IFT43: variants seen among roughly 807,000 people sequenced by gnomAD.
The protein encoded by IFT43 is intraflagellar transport protein 43 homolog.
Under a neutral mutation model 32.3 loss-of-function variants are expected in IFT43, and 33 were observed. That is an observed-to-expected ratio of 1.02 (90% confidence interval 0.77 to 1.37). The LOEUF (loss-of-function observed/expected upper bound fraction) is 1.37. Ranked by LOEUF, IFT43 falls within the 40% of genes most tolerant of loss-of-function variation. The pLI is 0.00. For missense variants in IFT43, 274 were observed against 265.9 expected (o/e 1.03, Z -0.21); for synonymous variants, 93 against 98.2 (o/e 0.95, Z 0.31).
rs554837762 is a variant in IFT43 at position 75,986,644 on chromosome 14, C to T, written c.54+804C>T. Among the ~76,000 whole-genome samples, 36 of 152,194 alleles carry T rather than the reference C, an allele frequency of 2.4e-4. No individual in the cohort carries two copies. In the South Asian group the frequency reaches 7.1e-3, roughly 30 times the overall value. On this transcript the variant is annotated intron_variant, in intron 1 of 8. Coordinates refer to ENST00000314067, the MANE Select transcript of IFT43 (RefSeq NM_001102564.3). The stretch of plus-strand genomic sequence containing the variant: ...GCCTATGAGGCTGTGGTTTACCCAG[C>T]GTTATAGTTAGTAAATAATGGAGCT...
chr14:76,050,703 C>T (rs10145205), intron 3 of IFT43, among the ~76,000 whole-genome samples: 6,187 of 152,106 alleles, frequency 0.041, 416 homozygotes, highest in African/African-American at 0.14. Flanking sequence ...TTTTCTCCTA[C>T]CAGATTGTAA....
At chr14:76,020,011 T>C (rs896283052) in intron 2 of IFT43, among the ~76,000 whole-genome samples, 1 of 152,122 alleles carries the variant, frequency 6.6e-6, no homozygotes. Context: ...AATCTCTCCC[T>C]GTTGCCAGGC....
intron 5 of IFT43, among the ~76,000 whole-genome samples, chr14:76,062,855 T>G (rs1359894599): frequency 7.3e-6 from 1 of 137,012 alleles, no homozygotes; most frequent in Non-Finnish European, 1.5e-5. Context: ...AGGCAGAGGT[T>G]GCAGTGAGGC....
intron 5 of IFT43, among the ~76,000 whole-genome samples, chr14:76,065,862 C>T (rs2037217124): frequency 6.6e-6 from 1 of 152,222 alleles, no homozygotes; most frequent in Admixed American, 6.5e-5. Flanking sequence ...TCAACCAGTC[C>T]TTCCACCTCG....
At chr14:76,038,451 TC>T (rs2036644972) in intron 3 of IFT43, among the ~76,000 whole-genome samples, 1 of 152,214 alleles carries the variant, frequency 6.6e-6, no homozygotes, top group Admixed American at 6.5e-5. Context: ...TGACATCATA[TC>T]TTTTTAATGT....
chr14:76,022,879 A>G (rs2036320330), intron 3 of IFT43, among the ~76,000 whole-genome samples: 1 of 152,210 alleles, frequency 6.6e-6, no homozygotes. Flanking sequence ...ACTGCTGATG[A>G]ACTGTGCGGC....
At chr14:76,008,780 A>C (rs1488613328) in intron 2 of IFT43, among the ~76,000 whole-genome samples, 1 of 152,228 alleles carries the variant, frequency 6.6e-6, no homozygotes, top group African/African-American at 2.4e-5. Flanking sequence ...CCAAGTGCAA[A>C]GATTTATACT....
At chr14:76,037,208 C>A (rs770002276) in intron 3 of IFT43, among the ~76,000 whole-genome samples, 1 of 152,044 alleles carries the variant, frequency 6.6e-6, no homozygotes, top group Admixed American at 6.5e-5. Context: ...CCATTTAGGC[C>A]CAGTTTTGGC....
Position 75,999,227 on chromosome 14 carries a change from T to TTA in IFT43, c.147+10294_147+10295dup, listed in dbSNP as rs1162371057. On this transcript the variant is annotated intron_variant, in intron 2 of 8. Transcript: ENST00000314067. ...ATATTCATTTATATATAAATTCATTTTATATATATATATATATATATATAT... is the reference window on the plus strand; with the variant it reads ...ATATTCATTTATATATAAATTCATTTTATATATATATATATATATATATATAT... Among the ~76,000 whole-genome samples, 218 of 96,006 alleles carry TTA rather than the reference T, an allele frequency of 2.3e-3. 2 individuals carry two copies. The highest frequency in any genetic ancestry group is 6.0e-3 in the East Asian group (21 of 3,490). The allele number at this position is 96,006 out of a possible 152,430, so 63.0% of individuals were successfully genotyped here. A position where few individuals can be genotyped will look rare whatever the true frequency, so the allele number is the denominator to read the frequency against.
intron 3 of IFT43, among the ~76,000 whole-genome samples, chr14:76,032,968 A>AT (rs1028462564): frequency 1.6e-4 from 25 of 152,314 alleles, no homozygotes; most frequent in African/African-American, 5.3e-4. Context: ...GAGGGACCTG[A>AT]TTTAGGAGCT....
At chr14:76,033,060 C>T (rs918165021) in intron 3 of IFT43, among the ~76,000 whole-genome samples, 2 of 152,092 alleles carry the variant, frequency 1.3e-5, no homozygotes, top group African/African-American at 4.8e-5. Context: ...GAGTCATCTA[C>T]AAAAGTAGGA....
At chr14:76,002,374 G>A (rs930743464) in intron 2 of IFT43, among the ~76,000 whole-genome samples, 1 of 152,108 alleles carries the variant, frequency 6.6e-6, no homozygotes, top group Non-Finnish European at 1.5e-5. Context: ...TAAGGGGGGG[G>A]GTGGCATGAT....
intron 5 of IFT43, among the ~76,000 whole-genome samples, chr14:76,079,636 T>C (rs535051374): frequency 8.5e-5 from 13 of 152,354 alleles, no homozygotes; most frequent in Admixed American, 4.6e-4. Flanking sequence ...TTTAGCAACA[T>C]TGAAGAAAAG....
chr14:76,066,933 G>T (rs929024765), intron 5 of IFT43, among the ~76,000 whole-genome samples: 1 of 152,224 alleles, frequency 6.6e-6, no homozygotes, highest in African/African-American at 2.4e-5. Flanking sequence ...AGGAAAGCCA[G>T]CAACTTTTCA....
In IFT43 at chr14:76,040,680, G is replaced by C. The variant is rs529359437; in HGVS notation, c.216-17962G>C. 5.9e-5 allele frequency among the ~76,000 whole-genome samples: 9 copies of C among 152,356 alleles called. No individual in the cohort carries two copies. In the South Asian group the frequency reaches 1.7e-3, roughly 28 times the overall value. ...GAAATCTCTGGACTCTTGCACTTCT[G>C]TTGAGTGCTTCCCATTCAAAGGGGA... On this transcript the variant is annotated intron_variant, in intron 3 of 8. Transcript: ENST00000314067.
chr14:76,005,353 T>C (rs553660515), intron 2 of IFT43, among the ~76,000 whole-genome samples: 4 of 152,214 alleles, frequency 2.6e-5, no homozygotes, highest in Non-Finnish European at 5.9e-5. Flanking sequence ...TGGGACATGG[T>C]CTTTACTCCT....
rs992744356 is a variant in IFT43, at chr14:75,988,761, G to A, written c.55-124G>A. On this transcript the variant is annotated intron_variant, in intron 1 of 8. Coordinates refer to ENST00000314067, the MANE Select transcript of IFT43 (RefSeq NM_001102564.3). ...TCTGGATCTCCTGACCTTGTGATCT[G>A]CCTGCCTCGTCCTCCCAAAGTGCTG... 20 of 1,408,334 alleles carry A rather than the reference G, an allele frequency of 1.4e-5. No individual in the cohort carries two copies. The East Asian group carries it at 4.7e-4, about 33-fold the overall frequency. 87.2% of individuals were successfully genotyped at this position (1,408,334 alleles called of 1,614,324 possible).
In IFT43 at chr14:75,985,910, G is replaced by A. The variant is rs923206824; in HGVS notation, c.54+70G>A. ...GGGGAGGAGCGACCCCGCCGGCCCC[G>A]ACTTCTCTGAGGCGACTCAGGGCGG... On this transcript the variant is annotated intron_variant, in intron 1 of 8. Coordinates refer to ENST00000314067, the MANE Select transcript of IFT43 (RefSeq NM_001102564.3). 1.9e-6 allele frequency: 3 copies of A among 1,584,370 alleles called. No homozygotes were observed. In the African/African-American group the frequency reaches 4.0e-5, roughly 21 times the overall value.
downstream of IFT43, chr14:76,083,790 G>A: frequency 1.4e-6 from 1 of 691,376 alleles, no homozygotes; most frequent in Non-Finnish European, 2.6e-6. Context: ...TATCACAAGT[G>A]AAGGAGAACA....
Sources: gnomAD v4.1 joint callset for allele counts (sites outside exome capture counted in the v4.1 genomes callset) on GRCh38, gnomAD v4.1.1 for gene constraint, MANE v1.5 for transcripts, NCBI Gene and HGNC (gene_info 2026-07-23, HGNC 2026-07-21) for gene names.